The following PALLD variants were observed in gnomAD, a reference collection of about 807,000 sequenced individuals.
The protein encoded by PALLD is palladin.
PALLD carries 61 observed loss-of-function variants against 123.5 expected under a neutral mutation model. That is an observed-to-expected ratio of 0.49 (90% CI 0.40 to 0.61). PALLD has a LOEUF of 0.61. PALLD is among the 20% of genes least tolerant of loss of function. PALLD has a pLI of 0.00. For synonymous variants in PALLD, 465 were observed against 496.4 expected (o/e 0.94, Z 0.84); for missense variants, 1,273 against 1,377.0 (o/e 0.92, Z 1.20).
intron 2 of PALLD, among the ~76,000 whole-genome samples, chr4:168,659,210 T>A (rs1432001242): frequency 6.6e-6 from 1 of 152,234 alleles, no homozygotes; most frequent in Non-Finnish European, 1.5e-5. Context: ...CTTTCAAATT[T>A]CGTTTTGGTG....
intron 10 of PALLD, among the ~76,000 whole-genome samples, chr4:168,720,479 G>A (rs1393198713): frequency 6.6e-6 from 1 of 152,178 alleles, no homozygotes; most frequent in Admixed American, 6.5e-5. Context: ...GGAAGATAGA[G>A]CAGAAAACCA....
intron 10 of PALLD, among the ~76,000 whole-genome samples, chr4:168,839,878 C>T (rs1334680760): frequency 1.3e-5 from 2 of 152,086 alleles, no homozygotes; most frequent in Non-Finnish European, 2.9e-5. Context: ...ATTGGGCTCT[C>T]CGTGTTTCAA....
intron 10 of PALLD, among the ~76,000 whole-genome samples, chr4:168,819,130 T>C (rs1220318998): frequency 2.0e-5 from 3 of 152,234 alleles, no homozygotes; most frequent in Non-Finnish European, 2.9e-5. Context: ...AAGTTTTGTG[T>C]AGCTAGTTAG....
chr4:168,559,041 T>C (rs966624369), intron 2 of PALLD, among the ~76,000 whole-genome samples: 8 of 152,222 alleles, frequency 5.3e-5, no homozygotes, highest in African/African-American at 1.9e-4. Flanking sequence ...TATAGTTTCT[T>C]TTAGTTCCAA....
Position 168,926,188 on chromosome 4 carries a change from CTTAAT to C in PALLD, c.*33-21_*33-17del. The C allele has an allele frequency of 1.3e-6, 2 of 1,489,570 alleles. No homozygotes were observed. The highest frequency in any genetic ancestry group is 2.3e-5 in the Admixed American group (1 of 44,260). 92.3% of individuals were successfully genotyped at this position (1,489,570 alleles called of 1,614,324 possible). A position where few individuals can be genotyped will look rare whatever the true frequency, so the allele number is the denominator to read the frequency against. On this transcript the variant is annotated intron_variant, in intron 21 of 21. Coordinates refer to ENST00000505667, the MANE Select transcript of PALLD (RefSeq NM_001166108.2). Reference sequence around the variant, plus strand: ...TTCCAAGTATATCTTGATTAAAAATCTTAATTTACTCTTTTTCTTTGTAGCCCAGT... The same window carrying C: ...TTCCAAGTATATCTTGATTAAAAATCTTACTCTTTTTCTTTGTAGCCCAGT...
intron 10 of PALLD, among the ~76,000 whole-genome samples, chr4:168,720,380 CATT>C (rs1480539950): frequency 6.6e-6 from 1 of 152,198 alleles, no homozygotes; most frequent in Non-Finnish European, 1.5e-5. Flanking sequence ...AAGTGATTTT[CATT>C]ATCCTCGAAG....
At chr4:168,879,497 A>C (rs1236400586) in intron 10 of PALLD, among the ~76,000 whole-genome samples, 3 of 152,210 alleles carry the variant, frequency 2.0e-5, no homozygotes, top group Non-Finnish European at 4.4e-5. Context: ...AAGGAACTCT[A>C]CTAAACAGTA....
chr4:168,625,709 A>G (rs1030427493), intron 2 of PALLD, among the ~76,000 whole-genome samples: 9 of 152,018 alleles, frequency 5.9e-5, no homozygotes, highest in Non-Finnish European at 1.0e-4. Flanking sequence ...CAAAACCCCA[A>G]TGAGATATCA....
chr4:168,671,455 G>A (rs1008766132), intron 3 of PALLD, among the ~76,000 whole-genome samples: 10 of 152,238 alleles, frequency 6.6e-5, no homozygotes, highest in African/African-American at 2.4e-4. Context: ...TGAGACATCC[G>A]ACACCTTTGG....
intron 16 of PALLD, among the ~76,000 whole-genome samples, chr4:168,914,271 T>C (rs1046121620): frequency 6.6e-6 from 1 of 152,226 alleles, no homozygotes; most frequent in African/African-American, 2.4e-5. Flanking sequence ...ATAAGACATA[T>C]TTTATAGACA....
chr4:168,852,794 A>T (rs114572775), intron 10 of PALLD, among the ~76,000 whole-genome samples: 86 of 152,352 alleles, frequency 5.6e-4, no homozygotes, highest in African/African-American at 2.0e-3. Context: ...AGATGAGTTA[A>T]TCGGCTACAA....
At chr4:168,539,945 C>A (rs1433258302) in intron 2 of PALLD, among the ~76,000 whole-genome samples, 1 of 152,006 alleles carries the variant, frequency 6.6e-6, no homozygotes, top group African/African-American at 2.4e-5. Flanking sequence ...GAGTTAGTTT[C>A]TCACCCCCTT....
At chr4:168,859,792 A>G (rs1224212644) in intron 10 of PALLD, among the ~76,000 whole-genome samples, 1 of 152,238 alleles carries the variant, frequency 6.6e-6, no homozygotes, top group Non-Finnish European at 1.5e-5. Flanking sequence ...GTGAACCACC[A>G]CAATGAAGAC....
In PALLD at chr4:168,512,223, G is replaced by C. The variant is rs1472927370; in HGVS notation, c.719G>C (p.Arg240Thr). ...MEREVKSPGA[R>T]HCYQDNQDLA... ...AGAGAGGTCAAGTCCCCTGGGGCCA[G>C]GCATTGCTACCAGGACAACCAGGAC... The change falls in exon 2 of 22, where the codon AGG becomes ACG. Residue 240 changes from arginine (R) to threonine (T), a missense_variant. Transcript: ENST00000505667. The C allele has an allele frequency of 2.5e-6, 4 of 1,613,702 alleles. No homozygotes were observed. Among genetic ancestry groups the C allele is most frequent in the Non-Finnish European group, 3.4e-6 (4 of 1,179,792 alleles).
chr4:168,583,646 T>C (rs1210910690), intron 2 of PALLD, among the ~76,000 whole-genome samples: 1 of 152,208 alleles, frequency 6.6e-6, no homozygotes, highest in Non-Finnish European at 1.5e-5. Context: ...ACTCAAGATT[T>C]ACTTCACTTG....
intron 10 of PALLD, among the ~76,000 whole-genome samples, chr4:168,790,175 T>C (rs1312832013): frequency 6.6e-6 from 1 of 150,962 alleles, no homozygotes; most frequent in Non-Finnish European, 1.5e-5. Flanking sequence ...TTTTTTTTTT[T>C]TCTTGAGGCA....
chr4:168,528,758 ACCACT>A (rs1186153442), intron 2 of PALLD, among the ~76,000 whole-genome samples: 1 of 152,200 alleles, frequency 6.6e-6, no homozygotes. Flanking sequence ...TACATAACAA[ACCACT>A]CCAAAACTTA....
intron 17 of PALLD, among the ~76,000 whole-genome samples, chr4:168,919,455 G>A (rs1218538022): frequency 6.6e-6 from 1 of 151,836 alleles, no homozygotes; most frequent in Non-Finnish European, 1.5e-5. Context: ...AACCCGGGAG[G>A]CGGAGGTTGC....
rs575322329 is a variant in PALLD, at chr4:168,768,641, A to G, written c.1964+56718A>G. On this transcript the variant is annotated intron_variant, in intron 10 of 21. Coordinates refer to ENST00000505667, the MANE Select transcript of PALLD (RefSeq NM_001166108.2). ...ATAGACTAACATAAAAAATAAATAAATCTGGCCATGGCAGCTAATTTGAAT... is the reference window on the plus strand; with the variant it reads ...ATAGACTAACATAAAAAATAAATAAGTCTGGCCATGGCAGCTAATTTGAAT... Among the ~76,000 whole-genome samples, 6 of 152,362 alleles carry G rather than the reference A, an allele frequency of 3.9e-5. No homozygotes were observed. The South Asian group carries it at 1.2e-3, about 32-fold the overall frequency.
Sources: gnomAD v4.1 joint callset for allele counts (sites outside exome capture counted in the v4.1 genomes callset) on GRCh38, gnomAD v4.1.1 for gene constraint, MANE v1.5 for transcripts, NCBI Gene and HGNC (gene_info 2026-07-23, HGNC 2026-07-21) for gene names.